The following CHIC2 variants were observed in gnomAD, a reference collection of about 807,000 sequenced individuals.
The protein encoded by CHIC2 is cysteine-rich hydrophobic domain-containing protein 2.
Under a neutral mutation model 25.9 loss-of-function variants are expected in CHIC2, and 14 were observed. The ratio of observed to expected loss-of-function variants is 0.54; its 90% CI spans 0.36 to 0.85. The LOEUF (loss-of-function observed/expected upper bound fraction) is 0.85. Among genes scored for constraint, CHIC2 ranks in the 40% least tolerant of loss-of-function variants. The probability of loss-of-function intolerance (pLI) is 0.01; values close to 1 mark genes in which losing one functional copy is unlikely to be tolerated. For missense variants in CHIC2, 146 were observed against 202.0 expected, an observed-to-expected ratio of 0.72 and a Z score of 1.68; for synonymous variants, 70 against 72.0, an observed-to-expected ratio of 0.97 and a Z score of 0.14.
intron 3 of CHIC2, among the ~76,000 whole-genome samples, chr4:54,031,611 CTTTTTT>C (rs1037563282): frequency 2.9e-5 from 3 of 103,408 alleles, no homozygotes; most frequent in African/African-American, 7.9e-5. Flanking sequence ...GATGTACTTG[CTTTTTT>C]TTTTTTTTTT....
At chr4:54,089,665 C>T in the CHIC2 span, among the ~76,000 whole-genome samples, 1 of 152,116 alleles carries the variant, frequency 6.6e-6, no homozygotes, top group African/African-American at 2.4e-5. Context: ...TTTAACAGGA[C>T]TAAAAATGCT....
chr4:54,082,239 A>C, the CHIC2 span, among the ~76,000 whole-genome samples: 1 of 152,218 alleles, frequency 6.6e-6, no homozygotes, highest in African/African-American at 2.4e-5. Flanking sequence ...AAGACAGAAC[A>C]TTTTGCAAGC....
At chr4:54,059,220 T>C (rs1449116333) in intron 1 of CHIC2, among the ~76,000 whole-genome samples, 1 of 152,008 alleles carries the variant, frequency 6.6e-6, no homozygotes, top group African/African-American at 2.4e-5. Flanking sequence ...TCTCAAACTA[T>C]ATGGAATAAG....
chr4:54,049,377 A>C (rs879038888), intron 1 of CHIC2, 72 bp from the exon 2 acceptor site: 1 of 958,610 alleles, frequency 1.0e-6, no homozygotes, highest in South Asian at 1.7e-5. Context: ...TTTAATTTAA[A>C]GGTCAAGTCA....
chr4:54,043,616 C>A (rs924236380), intron 3 of CHIC2, among the ~76,000 whole-genome samples: 7 of 152,068 alleles, frequency 4.6e-5, no homozygotes, highest in Non-Finnish European at 7.4e-5. Context: ...GAGATTCTGT[C>A]AGCACCAGGC....
chr4:54,066,974 C>T (rs1717532574), upstream of CHIC2, among the ~76,000 whole-genome samples: 1 of 152,210 alleles, frequency 6.6e-6, no homozygotes, highest in East Asian at 1.9e-4. Context: ...TGACAACTTC[C>T]CAAAGACGGA....
At chr4:54,013,555 C>T (rs1175614243) in intron 5 of CHIC2, among the ~76,000 whole-genome samples, 1 of 152,072 alleles carries the variant, frequency 6.6e-6, no homozygotes, top group Non-Finnish European at 1.5e-5. Context: ...TATACAGCAT[C>T]TAAAATTTCA....
the CHIC2 span, among the ~76,000 whole-genome samples, chr4:54,091,559 A>G: frequency 6.6e-6 from 1 of 152,176 alleles, no homozygotes; most frequent in South Asian, 2.1e-4. Context: ...CTCCGCGCAC[A>G]GGGATCAAAG....
intron 1 of CHIC2, among the ~76,000 whole-genome samples, chr4:54,052,005 C>A (rs978781187): frequency 6.6e-6 from 1 of 152,174 alleles, no homozygotes; most frequent in Non-Finnish European, 1.5e-5. Flanking sequence ...CTCTTTTCAG[C>A]AAGTCTTCTT....
the CHIC2 span, among the ~76,000 whole-genome samples, chr4:54,071,641 A>C: frequency 6.6e-6 from 1 of 152,212 alleles, no homozygotes. Flanking sequence ...AGTCTTCCTA[A>C]CACCTACAAC....
At chr4:54,081,381 A>G in the CHIC2 span, among the ~76,000 whole-genome samples, 2 of 152,078 alleles carry the variant, frequency 1.3e-5, no homozygotes, top group African/African-American at 4.8e-5. Context: ...ATGTAATAAC[A>G]TTACAAAATG....
chr4:54,080,759 A>G, the CHIC2 span, among the ~76,000 whole-genome samples: 1 of 150,670 alleles, frequency 6.6e-6, no homozygotes, highest in African/African-American at 2.4e-5. Flanking sequence ...CTGTCTCAAA[A>G]AAAAAAAAAA....
At chr4:54,018,309 T>G (rs981147100) in intron 3 of CHIC2, among the ~76,000 whole-genome samples, 2 of 152,080 alleles carry the variant, frequency 1.3e-5, no homozygotes, top group African/African-American at 4.8e-5. Context: ...TTCCTGAAAA[T>G]TCAAATTTGA....
At chr4:54,024,787 T>C (rs903997873) in intron 3 of CHIC2, among the ~76,000 whole-genome samples, 1 of 152,196 alleles carries the variant, frequency 6.6e-6, no homozygotes, top group African/African-American at 2.4e-5. Flanking sequence ...AGTCCTTTAA[T>C]ACCTGTTTTT....
intron 3 of CHIC2, among the ~76,000 whole-genome samples, chr4:54,046,376 C>A (rs1324831067): frequency 6.6e-6 from 1 of 152,118 alleles, no homozygotes; most frequent in African/African-American, 2.4e-5. Flanking sequence ...AAGCTGGAGG[C>A]ATCACGCTAC....
At chr4:54,015,824 A>T (rs1205857533) in intron 3 of CHIC2, among the ~76,000 whole-genome samples, 1 of 152,234 alleles carries the variant, frequency 6.6e-6, no homozygotes, top group Non-Finnish European at 1.5e-5. Flanking sequence ...TTTGCATCAC[A>T]GCGAACCTGA....
Position 54,064,396 on chromosome 4 carries a change from C to A in CHIC2, c.-96G>T, listed in dbSNP as rs1367549152. The stretch of plus-strand genomic sequence containing the variant: ...GGCGGCGGAGGCTGAGGGGAGTCGC[C>A]GCTGCCGCCGGCTCCGAGGCCGCGG... On this transcript the variant is annotated 5_prime_UTR_variant, in exon 1 of 6. Transcript: ENST00000263921. The surrounding 1 kb of genome is among the most constrained non-coding windows in gnomAD (Gnocchi z 4.2). 30 of 1,549,658 alleles carry A rather than the reference C, an allele frequency of 1.9e-5. No individual in the cohort carries two copies. The highest frequency in any genetic ancestry group is 2.6e-5 in the Non-Finnish European group (30 of 1,150,972).
chr4:54,050,761 G>A (rs552467382), intron 1 of CHIC2, among the ~76,000 whole-genome samples: 84 of 152,064 alleles, frequency 5.5e-4, no homozygotes, highest in Non-Finnish European at 9.7e-4. Flanking sequence ...TAGATGTGTA[G>A]TAGGCTACAC....
intron 3 of CHIC2, among the ~76,000 whole-genome samples, chr4:54,037,883 T>C (rs1716443481): frequency 6.6e-6 from 1 of 152,028 alleles, no homozygotes; most frequent in Non-Finnish European, 1.5e-5. Context: ...GTGTAGGATA[T>C]AGTCAAAACA....
Sources: gnomAD v4.1 joint callset for allele counts (sites outside exome capture counted in the v4.1 genomes callset) on GRCh38, gnomAD v4.1.1 for gene constraint, Gnocchi (gnomAD v3.1) non-coding constraint, MANE v1.5 for transcripts, NCBI Gene and HGNC (gene_info 2026-07-23, HGNC 2026-07-21) for gene names.